The following CDK19 variants were observed in gnomAD, a reference collection of about 807,000 sequenced individuals.
The protein encoded by CDK19 is cyclin-dependent kinase 19.
CDK19 carries 20 observed loss-of-function variants against 68.3 expected under a neutral mutation model. The observed-to-expected ratio is 0.29, with a 90% confidence interval of 0.21 to 0.43. CDK19 has a LOEUF of 0.43. CDK19 is among the 20% of genes least tolerant of loss of function. CDK19 has a pLI of 1.00. For missense variants in CDK19, 339 were observed against 623.5 expected (o/e 0.54, Z 4.86); for synonymous variants, 221 against 222.8 (o/e 0.99, Z 0.07).
intron 1 of CDK19, among the ~76,000 whole-genome samples, chr6:110,783,796 A>AC (rs1465614291): frequency 6.6e-6 from 1 of 152,166 alleles, no homozygotes; most frequent in Non-Finnish European, 1.5e-5. Context: ...GATGGATTGG[A>AC]CTTCATCAAA....
intron 4 of CDK19, among the ~76,000 whole-genome samples, chr6:110,662,941 T>C (rs543936505): frequency 2.4e-4 from 36 of 152,202 alleles, no homozygotes; most frequent in Non-Finnish European, 4.9e-4. Context: ...TCTATTTCTG[T>C]ATTAAATTCT....
chr6:110,643,198 G>A, intron 4 of CDK19: 1 of 1,287,818 alleles, frequency 7.8e-7, no homozygotes, highest in South Asian at 1.2e-5. Flanking sequence ...TACCAACTTA[G>A]GCCTGACGAG....
intron 1 of CDK19, among the ~76,000 whole-genome samples, chr6:110,751,663 A>G (rs981386411): frequency 9.9e-5 from 15 of 152,174 alleles, no homozygotes; most frequent in African/African-American, 3.1e-4. Context: ...CCTGGTCCCA[A>G]AAAGGTTGGA....
intron 2 of CDK19, among the ~76,000 whole-genome samples, chr6:110,697,584 C>A (rs1045949808): frequency 1.3e-5 from 2 of 151,282 alleles, no homozygotes; most frequent in African/African-American, 4.9e-5. Context: ...GACCATATTG[C>A]CAAAAGCGAT....
intron 2 of CDK19, among the ~76,000 whole-genome samples, chr6:110,724,221 G>A (rs2114761430): frequency 6.6e-6 from 1 of 152,194 alleles, no homozygotes; most frequent in African/African-American, 2.4e-5. Context: ...AGGCGTGGTG[G>A]CGCATGCCTG....
rs1159094671 is a variant in CDK19 at position 110,614,793 on chromosome 6, C to T, written c.1378-127G>A. ...TCCTGGTTCAGACACACATAGCTGA[C>T]AGCTAACTTAAGTTGTTAACACATT... On this transcript the variant is annotated intron_variant, in intron 12 of 12. Coordinates refer to ENST00000368911, the MANE Select transcript of CDK19 (RefSeq NM_015076.5). 3.4e-5 allele frequency: 29 copies of T among 848,360 alleles called. No homozygotes were observed. The Admixed American group carries it at 3.5e-4, about 10-fold the overall frequency. The allele number at this position is 848,360 out of a possible 1,614,324, so 52.6% of individuals were successfully genotyped here.
rs192226987 is a variant in CDK19, at chr6:110,729,690, C to T, written c.204+16436G>A. ...CGCCTGATCTCAAGTGATCCACCTG[C>T]CTCCCAAAGTGCTGGGATTACAGGC... On this transcript the variant is annotated intron_variant, in intron 2 of 12. Coordinates refer to ENST00000368911, the MANE Select transcript of CDK19 (RefSeq NM_015076.5). Among the ~76,000 whole-genome samples, 739 of 150,958 alleles carry T rather than the reference C, an allele frequency of 4.9e-3. 3 individuals carry two copies. The highest frequency in any genetic ancestry group is 0.021 in the Middle Eastern group (6 of 290).
At chr6:110,780,275 A>G (rs1471153781) in intron 1 of CDK19, among the ~76,000 whole-genome samples, 1 of 151,206 alleles carries the variant, frequency 6.6e-6, no homozygotes, top group Non-Finnish European at 1.5e-5. Flanking sequence ...CTGTAATCCT[A>G]GCTGCTCGGG....
At chr6:110,674,329 T>C (rs1771290211) in intron 2 of CDK19, among the ~76,000 whole-genome samples, 1 of 152,150 alleles carries the variant, frequency 6.6e-6, no homozygotes, top group Non-Finnish European at 1.5e-5. Context: ...CCTCCAACTG[T>C]TCAAGTGAAA....
At chr6:110,666,819 C>T (rs1781973020) in intron 4 of CDK19, among the ~76,000 whole-genome samples, 1 of 151,978 alleles carries the variant, frequency 6.6e-6, no homozygotes, top group African/African-American at 2.4e-5. Context: ...AAGAAACTTG[C>T]ATCAACATAA....
chr6:110,769,152 CAAAAAAAAA>C (rs536664282), intron 1 of CDK19, among the ~76,000 whole-genome samples: 2 of 50,558 alleles, frequency 4.0e-5, no homozygotes. Context: ...GACTCTGTCT[CAAAAAAAAA>C]AAAAAAAAAA....
intron 1 of CDK19, among the ~76,000 whole-genome samples, chr6:110,748,801 C>T (rs573468141): frequency 2.0e-5 from 3 of 152,308 alleles, no homozygotes; most frequent in East Asian, 3.9e-4. Context: ...TCCAGGAGTT[C>T]CTCCAAGTAG....
At chr6:110,623,436 G>A in intron 8 of CDK19, 74 bp from the exon 9 acceptor site, 1 of 1,565,048 alleles carries the variant, frequency 6.4e-7, no homozygotes, top group South Asian at 1.2e-5. Context: ...TAAGCTCCAG[G>A]ATTGGCTTTC....
chr6:110,709,209 C>T (rs985585470), intron 2 of CDK19, among the ~76,000 whole-genome samples: 4 of 151,914 alleles, frequency 2.6e-5, no homozygotes, highest in Non-Finnish European at 5.9e-5. Context: ...TATAAAAACC[C>T]ACAGCCAGTA....
chr6:110,663,228 A>G (rs913737055), intron 4 of CDK19, among the ~76,000 whole-genome samples: 4 of 152,222 alleles, frequency 2.6e-5, no homozygotes, highest in Admixed American at 6.5e-5. Context: ...TCTTACAGCA[A>G]TAGAAAATGA....
At chr6:110,626,955 T>G (rs745408769) in intron 7 of CDK19, 47 bp downstream of exon 7, 2 of 1,538,764 alleles carry the variant, frequency 1.3e-6, no homozygotes, top group South Asian at 2.4e-5. Flanking sequence ...AAGAAATGAT[T>G]TTGAAATATG....
Position 110,672,166 on chromosome 6 carries a change from C to T in CDK19, c.205-1625G>A, listed in dbSNP as rs926170633. 9.2e-5 allele frequency among the ~76,000 whole-genome samples: 14 copies of T among 152,182 alleles called. No individual in the cohort carries two copies. The South Asian group carries it at 1.0e-3, about 11-fold the overall frequency. ...CTGTGGCAAGAGACTTCACCCCAGG[C>T]ACAATGACTGTCTCCTTCTTTCTGA... is the stretch of plus-strand genomic sequence containing the variant. On this transcript the variant is annotated intron_variant, in intron 2 of 12. Coordinates refer to ENST00000368911, the MANE Select transcript of CDK19 (RefSeq NM_015076.5).
At chr6:110,779,641 C>A (rs1780655277) in intron 1 of CDK19, among the ~76,000 whole-genome samples, 1 of 152,190 alleles carries the variant, frequency 6.6e-6, no homozygotes, top group Non-Finnish European at 1.5e-5. Context: ...CTTGGCTGGG[C>A]ACGGTGCCTC....
At chr6:110,635,697 G>A (rs895362074) in intron 5 of CDK19, among the ~76,000 whole-genome samples, 2 of 151,982 alleles carry the variant, frequency 1.3e-5, no homozygotes, top group African/African-American at 2.4e-5. Flanking sequence ...GCACCACCAC[G>A]CCCAGCTAAT....
Sources: allele counts gnomAD v4.1 joint callset (sites outside exome capture counted in the v4.1 genomes callset), GRCh38; gene constraint gnomAD v4.1.1; transcripts MANE v1.5; gene names NCBI Gene and HGNC (gene_info 2026-07-23, HGNC 2026-07-21).